The following BRINP1 variants were observed in gnomAD, a reference collection of about 807,000 sequenced individuals.
BRINP1 encodes the protein BMP/retinoic acid-inducible neural-specific protein 1.
BRINP1 carries 17 observed loss-of-function variants against 72.9 expected under a neutral mutation model. The observed-to-expected ratio is 0.23, with a 90% CI of 0.16 to 0.35. BRINP1 has a LOEUF of 0.35. BRINP1 is among the 10% of genes least tolerant of loss of function. The pLI is 1.00. For missense variants in BRINP1, 850 were observed against 1,001.6 expected, an observed-to-expected ratio of 0.85 and a Z score of 2.04; for synonymous variants, 418 against 378.5, an observed-to-expected ratio of 1.10 and a Z score of -1.21.
At chr9:119,215,011 T>C (rs57592285) in intron 5 of BRINP1, among the ~76,000 whole-genome samples, 1,876 of 152,292 alleles carry the variant, frequency 0.012, 26 homozygotes, top group African/African-American at 0.035. Context: ...CTGTGGATCA[T>C]AGGTACACAT....
At chr9:119,269,189 C>T (rs1173477480) in intron 2 of BRINP1, among the ~76,000 whole-genome samples, 1 of 152,148 alleles carries the variant, frequency 6.6e-6, no homozygotes, top group Non-Finnish European at 1.5e-5. Context: ...CTTGGCACTC[C>T]CAAAGCAGAC....
chr9:119,308,429 C>A (rs917196329), intron 2 of BRINP1, among the ~76,000 whole-genome samples: 2 of 152,286 alleles, frequency 1.3e-5, no homozygotes, highest in African/African-American at 4.8e-5. Context: ...GGGCAGGAAT[C>A]CTGTTCATCA....
At chr9:119,283,588 G>A (rs1197316889) in intron 2 of BRINP1, among the ~76,000 whole-genome samples, 2 of 152,174 alleles carry the variant, frequency 1.3e-5, no homozygotes, top group Non-Finnish European at 2.9e-5. Flanking sequence ...GAGTGCGACG[G>A]CACGATCTCG....
intron 1 of BRINP1, among the ~76,000 whole-genome samples, chr9:119,347,563 C>T (rs1187080963): frequency 6.6e-6 from 1 of 152,086 alleles, no homozygotes; most frequent in Non-Finnish European, 1.5e-5. Flanking sequence ...TCACCTTGAT[C>T]AATGGCTTCC....
chr9:119,346,483 A>G (rs1831453578), intron 1 of BRINP1, among the ~76,000 whole-genome samples: 2 of 152,204 alleles, frequency 1.3e-5, no homozygotes, highest in Non-Finnish European at 2.9e-5. Flanking sequence ...TTTAACCACC[A>G]ACAAGAAACA....
chr9:119,247,741 C>T (rs145453995), intron 3 of BRINP1, among the ~76,000 whole-genome samples: 205 of 150,534 alleles, frequency 1.4e-3, no homozygotes, highest in East Asian at 0.012. Flanking sequence ...GGAAAACACT[C>T]ACTTAAAAAC....
Position 119,367,893 on chromosome 9 carries a change from C to G in BRINP1, c.-51+1163G>C, listed in dbSNP as rs139551098. Among the ~76,000 whole-genome samples the G allele has an allele frequency of 6.6e-3, 1,001 of 152,306 alleles. 10 individuals carry two copies. The highest frequency in any genetic ancestry group is 0.023 in the African/African-American group (968 of 41,574). ...CCACCTCTCTGCCTTCTCTCAATAT[C>G]CCCCTAACTCCAGGGGAGCCATGGA... On this transcript the variant is annotated intron_variant, in intron 1 of 7. Transcript: ENST00000265922.
chr9:119,211,045 G>A (rs2118873846), intron 6 of BRINP1, among the ~76,000 whole-genome samples: 1 of 152,222 alleles, frequency 6.6e-6, no homozygotes, highest in African/African-American at 2.4e-5. Flanking sequence ...CTCCTCTCAT[G>A]GAAAACATAA....
intron 2 of BRINP1, among the ~76,000 whole-genome samples, chr9:119,275,978 A>C (rs561044519): frequency 1.3e-5 from 2 of 148,912 alleles, no homozygotes; most frequent in South Asian, 2.2e-4. Flanking sequence ...TCCTTTCCTC[A>C]CTCCTCCAGT....
Position 119,328,549 on chromosome 9 carries a change from T to G in BRINP1, c.-50-15144A>C, listed in dbSNP as rs181436423. On this transcript the variant is annotated intron_variant, in intron 1 of 7. Transcript: ENST00000265922. ...ATGAGACAGAAAGATAATTAGCACT[T>G]ATTGAGAGAGTGGAATGGAGTCTGG... Among the ~76,000 whole-genome samples, 47 of 152,248 alleles carry G rather than the reference T, an allele frequency of 3.1e-4. 1 individual carries two copies. In the East Asian group the frequency reaches 5.8e-3, roughly 19 times the overall value.
chr9:119,238,419 C>T (rs1046682480), intron 5 of BRINP1, among the ~76,000 whole-genome samples: 8 of 151,468 alleles, frequency 5.3e-5, no homozygotes, highest in African/African-American at 1.9e-4. Context: ...TCCTTACTAT[C>T]TGAAAACTAA....
chr9:119,168,367 A>G (rs556303111), intron 7 of BRINP1, 143 bp from the exon 8 acceptor site: 14 of 606,390 alleles, frequency 2.3e-5, no homozygotes, highest in Non-Finnish European at 3.5e-5. Context: ...AAGGGCATCG[A>G]ATATAAACGT....
intron 2 of BRINP1, among the ~76,000 whole-genome samples, chr9:119,300,031 C>T (rs137875043): frequency 2.6e-5 from 4 of 152,172 alleles, no homozygotes; most frequent in East Asian, 2.0e-4. Flanking sequence ...TCCACAGTAC[C>T]GCCTTCCTCA....
chr9:119,187,676 C>T (rs1218487866), intron 7 of BRINP1, among the ~76,000 whole-genome samples: 2 of 151,952 alleles, frequency 1.3e-5, no homozygotes, highest in Admixed American at 6.6e-5. Flanking sequence ...AACATGACAC[C>T]ACCAAAAGAA....
chr9:119,170,375 G>T (rs1009243941), intron 7 of BRINP1, among the ~76,000 whole-genome samples: 1 of 151,106 alleles, frequency 6.6e-6, no homozygotes, highest in African/African-American at 2.4e-5. Context: ...GGAAGAAAGG[G>T]TATCAGCAAT....
intron 1 of BRINP1, among the ~76,000 whole-genome samples, chr9:119,325,335 T>A (rs552394724): frequency 6.6e-6 from 1 of 152,262 alleles, no homozygotes; most frequent in African/African-American, 2.4e-5. Flanking sequence ...GTATTCCCCA[T>A]CCAAGTAAAC....
chr9:119,342,441 AG>A (rs1831414991), intron 1 of BRINP1, among the ~76,000 whole-genome samples: 1 of 152,216 alleles, frequency 6.6e-6, no homozygotes. Context: ...GACACAAAGA[AG>A]GGAAATGGCC....
chr9:119,251,594 C>T (rs1391918675), intron 2 of BRINP1, among the ~76,000 whole-genome samples: 1 of 150,476 alleles, frequency 6.6e-6, no homozygotes, highest in Non-Finnish European at 1.5e-5. Flanking sequence ...AAAAGAGAAA[C>T]AAATAAACAC....
chr9:119,293,249 C>T (rs990169557), intron 2 of BRINP1, among the ~76,000 whole-genome samples: 1 of 150,996 alleles, frequency 6.6e-6, no homozygotes, highest in Non-Finnish European at 1.5e-5. Flanking sequence ...TGTTCTGCTC[C>T]AAGAATTAGT....
Sources: allele counts gnomAD v4.1 joint callset (sites outside exome capture counted in the v4.1 genomes callset), GRCh38; gene constraint gnomAD v4.1.1; transcripts MANE v1.5; gene names NCBI Gene and HGNC (gene_info 2026-07-23, HGNC 2026-07-21).